GGT1: variants seen among roughly 807,000 people sequenced by gnomAD.
GGT1 encodes glutathione hydrolase 1 proenzyme.
In GGT1, 21 loss-of-function variants were observed where a neutral mutation model predicts 56.0. That is an observed-to-expected ratio of 0.38 (90% CI 0.27 to 0.54). The LOEUF (loss-of-function observed/expected upper bound fraction) is 0.54, where lower values mean the gene tolerates loss of function less well. Ranked by LOEUF, GGT1 falls within the 20% of genes least tolerant of loss-of-function variation. The pLI is 0.82. For synonymous variants in GGT1, 238 were observed against 342.6 expected (o/e 0.69, Z 3.37); for missense variants, 466 against 787.0 (o/e 0.59, Z 4.88).
At chr22:24,626,831 G>A (rs1358256201) in intron 11 of GGT1, among the ~76,000 whole-genome samples, 2 of 151,158 alleles carry the variant, frequency 1.3e-5, no homozygotes, top group South Asian at 2.1e-4. Context: ...CTGTGGGATG[G>A]GCCCCAGCCT....
chr22:24,610,010 G>T lies in GGT1; in HGVS notation c.-313G>T, dbSNP rs2046561817. ...CGTCATCCAGGCTGGACAGTTCAGT[G>T]ATTTGCCTGAGGCCCCACAGCAGGT... On this transcript the variant is annotated 5_prime_UTR_variant, in exon 3 of 16. Coordinates refer to ENST00000400382, the MANE Select transcript of GGT1 (RefSeq NM_001288833.2). The T allele has an allele frequency of 2.1e-6, 1 of 465,860 alleles. No individual in the cohort carries two copies. The highest frequency in any genetic ancestry group is 4.4e-6 in the Non-Finnish European group (1 of 225,734). 28.9% of individuals were successfully genotyped at this position (465,860 alleles called of 1,614,324 possible).
chr22:24,610,075 T>C, intron 3 of GGT1, 42 bp downstream of exon 3: 1 of 457,274 alleles, frequency 2.2e-6, no homozygotes, highest in East Asian at 7.1e-5. Context: ...AGGCTGGCGG[T>C]GCCCCCTGAG....
chr22:24,616,344 G>A (rs1036957779), intron 7 of GGT1, among the ~76,000 whole-genome samples: 14 of 151,054 alleles, frequency 9.3e-5, no homozygotes, highest in Admixed American at 8.6e-4. Context: ...AACCCAGGAG[G>A]AGGAGATTGC....
chr22:24,603,883 G>T (rs1328261747), intron 1 of GGT1, among the ~76,000 whole-genome samples: 2 of 151,966 alleles, frequency 1.3e-5, no homozygotes, highest in African/African-American at 2.4e-5. Context: ...GGTGGGGCAG[G>T]GCCGGTTGTG....
At chr22:24,590,072 T>C, upstream of GGT1, 1 of 1,205,048 alleles carries the variant, frequency 8.3e-7, no homozygotes, top group Non-Finnish European at 1.1e-6. Context: ...TAAGGCTGGC[T>C]GGATTCTCCC....
At chr22:24,596,818 C>T (rs924355248) in intron 1 of GGT1, among the ~76,000 whole-genome samples, 4 of 142,346 alleles carry the variant, frequency 2.8e-5, no homozygotes, top group Non-Finnish European at 6.0e-5. Context: ...GAGGCTGAGA[C>T]AGGGGAATCG....
In GGT1 at chr22:24,628,432, A is replaced by G. The variant is rs1243653206; in HGVS notation, c.1563+44A>G. On this transcript the variant is annotated intron_variant, in intron 15 of 15. Coordinates refer to ENST00000400382, the MANE Select transcript of GGT1 (RefSeq NM_001288833.2). The surrounding 1 kb of genome is among the most constrained non-coding windows in gnomAD (Gnocchi z 5.7). The stretch of plus-strand genomic sequence containing the variant: ...AAACTGAGTCAAGGTGTGGGGCCCC[A>G]GGGCATCCTGGGCTGGAGGCCTGGA... 1 of 1,607,866 alleles carries G rather than the reference A, an allele frequency of 6.2e-7. No homozygotes were observed. The highest frequency in any genetic ancestry group is 8.5e-7 in the Non-Finnish European group (1 of 1,179,820).
upstream of GGT1, among the ~76,000 whole-genome samples, chr22:24,601,778 G>C (rs946990091): frequency 6.6e-6 from 1 of 152,214 alleles, no homozygotes; most frequent in Non-Finnish European, 1.5e-5. Flanking sequence ...GGCGGCACCC[G>C]CCCCGGGCTG....
upstream of GGT1, among the ~76,000 whole-genome samples, chr22:24,599,787 G>A (rs530717896): frequency 5.0e-4 from 76 of 152,156 alleles, no homozygotes; most frequent in Non-Finnish European, 8.5e-4. Context: ...AGCGAGGGAG[G>A]TCGGGAAGGT....
upstream of GGT1, chr22:24,589,850 G>C (rs1410837435): frequency 6.2e-7 from 1 of 1,613,788 alleles, no homozygotes; most frequent in Non-Finnish European, 8.5e-7. Context: ...TCCCGGGCCA[G>C]GTTCACAAGC....
chr22:24,621,089 G>A lies in GGT1; in HGVS notation c.733+19G>A. 3.8e-6 allele frequency: 6 copies of A among 1,558,588 alleles called. No individual in the cohort carries two copies. Among genetic ancestry groups the A allele is most frequent in the Non-Finnish European group, 5.2e-6 (6 of 1,151,160 alleles). ...GCGGCCGGTGAGTGGGTAACCTCAG[G>A]GGCCTGGGTGAGGAACTCTGCAGTG... On this transcript the variant is annotated intron_variant, in intron 9 of 15. Transcript: ENST00000400382.
chr22:24,585,468 C>G, the GGT1 span, among the ~76,000 whole-genome samples: 1 of 152,254 alleles, frequency 6.6e-6, no homozygotes, highest in African/African-American at 2.4e-5. Context: ...GGACCCAGGA[C>G]CCCCACATCT....
At position 24,605,536 on chromosome 22, in the gene GGT1, TATA is replaced by T. The variant is rs1240259016; in HGVS notation, c.-429+2012_-429+2014del. ...GTGTATTATATATTATATAATATTA[TATA>T]ATGTGTATTATATATTATATAATAT... On this transcript the variant is annotated intron_variant, in intron 1 of 15. Coordinates refer to ENST00000400382, the MANE Select transcript of GGT1 (RefSeq NM_001288833.2). Among the ~76,000 whole-genome samples the T allele has an allele frequency of 2.8e-5, 2 of 70,342 alleles. 1 individual carries two copies. The highest frequency in any genetic ancestry group is 1.6e-4 in the African/African-American group (2 of 12,188). The allele number at this position is 70,342 out of a possible 152,430, so 46.1% of individuals were successfully genotyped here. A position where few individuals can be genotyped will look rare whatever the true frequency, so the allele number is the denominator to read the frequency against.
At chr22:24,611,637 G>C (rs1236969963) in intron 5 of GGT1, among the ~76,000 whole-genome samples, 1 of 150,668 alleles carries the variant, frequency 6.6e-6, no homozygotes, top group East Asian at 1.9e-4. Flanking sequence ...ATGGAGTTTT[G>C]CTCTGTTGCC....
At chr22:24,589,019 A>G in the GGT1 span, 1 of 1,022,050 alleles carries the variant, frequency 9.8e-7, no homozygotes, top group Non-Finnish European at 1.2e-6. Flanking sequence ...CAGCACACAC[A>G]GCAGCTGCAA....
chr22:24,618,380 C>T (rs2047200600), intron 7 of GGT1, among the ~76,000 whole-genome samples: 1 of 152,192 alleles, frequency 6.6e-6, no homozygotes, highest in African/African-American at 2.4e-5. Context: ...GACCTGAGGT[C>T]AGGAGTTTGA....
At chr22:24,594,526 C>T (rs1006280471), upstream of GGT1, among the ~76,000 whole-genome samples, 3 of 151,590 alleles carry the variant, frequency 2.0e-5, no homozygotes, top group Non-Finnish European at 4.4e-5. Context: ...TAGGCTCTGT[C>T]ATCCTGTGGG....
Position 24,620,316 on chromosome 22 carries a change from C to T in GGT1, c.383-12C>T, listed in dbSNP as rs200942059. 1.2e-3 allele frequency: 1,914 copies of T among 1,611,288 alleles called. 39 individuals carry two copies. In the South Asian group the frequency reaches 0.02, roughly 16 times the overall value. On this transcript the variant is annotated splice_polypyrimidine_tract_variant and intron_variant, in intron 7 of 15. Coordinates refer to ENST00000400382, the MANE Select transcript of GGT1 (RefSeq NM_001288833.2). This position sits in a 1 kb window ranked among gnomAD's most constrained non-coding sequence, Gnocchi z 5.6. ...CCACTCAGGGTCACTAACTATGGCT[C>T]TCTCTCCCCAGGGGGGCTGTCGGTG...
chr22:24,601,778 G>A (rs946990091), upstream of GGT1, among the ~76,000 whole-genome samples: 4 of 152,214 alleles, frequency 2.6e-5, no homozygotes, highest in Admixed American at 6.5e-5. Flanking sequence ...GGCGGCACCC[G>A]CCCCGGGCTG....
Sources: gnomAD v4.1 joint callset for allele counts (sites outside exome capture counted in the v4.1 genomes callset) on GRCh38, gnomAD v4.1.1 for gene constraint, Gnocchi (gnomAD v3.1) non-coding constraint, MANE v1.5 for transcripts, NCBI Gene and HGNC (gene_info 2026-07-23, HGNC 2026-07-21) for gene names.